Variants in SCARB1 observed in about 807,000 individuals in gnomAD.
SCARB1 encodes the protein scavenger receptor class B member 1.
SCARB1 carries 30 observed loss-of-function variants against 57.2 expected under a neutral mutation model. That is an observed-to-expected ratio of 0.52 (90% confidence interval 0.39 to 0.71). The LOEUF is 0.71. Among genes scored for constraint, SCARB1 ranks in the 30% least tolerant of loss-of-function variants. SCARB1 has a pLI of 0.00. For missense variants in SCARB1, 543 were observed against 671.2 expected, an observed-to-expected ratio of 0.81 and a Z score of 2.11; for synonymous variants, 249 against 268.3, an observed-to-expected ratio of 0.93 and a Z score of 0.70.
At chr12:124,834,030 C>T (rs192549391) in intron 1 of SCARB1, among the ~76,000 whole-genome samples, 53 of 152,364 alleles carry the variant, frequency 3.5e-4, no homozygotes, top group Admixed American at 3.5e-3. Context: ...TCGTGACTCC[C>T]GAGACCTCCT....
At position 124,817,606 on chromosome 12, in the gene SCARB1, G is replaced by T. The variant is rs146377057; in HGVS notation, c.228C>A (p.Ser76Arg). ...GCGGCTTCTCGCCCTTCAGGATCTCGCTGGGGTTCATGACGTCAAAGAAGT... is the reference window on the plus strand; with the variant it reads ...GCGGCTTCTCGCCCTTCAGGATCTCTCTGGGGTTCATGACGTCAAAGAAGT... ...SVYFFDVMNP[S>R]EILKGEKPQV... Residue 76 changes from serine (S) to arginine (R), a missense_variant, in exon 2 of 13, where the codon AGC (serine) becomes AGA (arginine). Physicochemically the swap from Ser to Arg is moderately radical, Grantham distance 110. Coordinates refer to ENST00000261693, the MANE Select transcript of SCARB1 (RefSeq NM_005505.5). This position sits in a 1 kb window ranked among gnomAD's most constrained non-coding sequence, Gnocchi z 4.8. 6.2e-7 allele frequency: 1 copy of T among 1,614,094 alleles called. No homozygotes were observed. The highest frequency in any genetic ancestry group is 1.3e-5 in the African/African-American group (1 of 74,926).
intron 1 of SCARB1, among the ~76,000 whole-genome samples, chr12:124,850,643 C>G (rs1368229781): frequency 6.6e-6 from 1 of 152,224 alleles, no homozygotes; most frequent in African/African-American, 2.4e-5. Flanking sequence ...GCACTCCAGC[C>G]TGGGCAACAA....
At chr12:124,847,747 A>G (rs2135813705) in intron 1 of SCARB1, among the ~76,000 whole-genome samples, 1 of 152,310 alleles carries the variant, frequency 6.6e-6, no homozygotes, top group South Asian at 2.1e-4. Flanking sequence ...GGCTTCTTCA[A>G]CCCAAGAGGT....
intron 1 of SCARB1, chr12:124,821,260 G>GCGCACA (rs1950946979): frequency 4.2e-6 from 1 of 238,696 alleles, no homozygotes; most frequent in Admixed American, 8.5e-5. Context: ...ACACACACAC[G>GCGCACA]CACACACACG....
chr12:124,821,078 A>G (rs1171402505), intron 1 of SCARB1, among the ~76,000 whole-genome samples: 1 of 152,030 alleles, frequency 6.6e-6, no homozygotes, highest in Non-Finnish European at 1.5e-5. Context: ...TCTCTACAAA[A>G]AATAGAAAAA....
rs1455953128 is a variant in SCARB1, at chr12:124,837,552, A to G, written c.127-19845T>C. 5.1e-3 allele frequency among the ~76,000 whole-genome samples: 68 copies of G among 13,284 alleles called. 3 individuals are homozygous for G. The highest frequency in any genetic ancestry group is 0.012 in the African/African-American group (66 of 5,702). The allele number at this position is 13,284 out of a possible 152,430, so 8.7% of individuals were successfully genotyped here. ...AGAAAAAGAAAGAAAAGAAAAGAAA[A>G]GAAAAGAAAAGAAAAGAAAAGAAAA... On this transcript the variant is annotated intron_variant, in intron 1 of 12. Transcript: ENST00000261693.
At chr12:124,815,617 GC>G (rs1158466884) in intron 2 of SCARB1, among the ~76,000 whole-genome samples, 1 of 152,220 alleles carries the variant, frequency 6.6e-6, no homozygotes, top group African/African-American at 2.4e-5. Context: ...TGTAAACCCA[GC>G]ACTTTGGGAG....
At position 124,812,404 on chromosome 12, in the gene SCARB1, T is replaced by TC. The variant is rs1435119171; in HGVS notation, c.631-440dup. Among the ~76,000 whole-genome samples the TC allele has an allele frequency of 2.0e-5, 3 of 152,122 alleles. No homozygotes were observed. The highest frequency in any genetic ancestry group is 4.4e-5 in the Non-Finnish European group (3 of 68,022). On this transcript the variant is annotated intron_variant, in intron 4 of 12. Coordinates refer to ENST00000261693, the MANE Select transcript of SCARB1 (RefSeq NM_005505.5). This position sits in a 1 kb window ranked among gnomAD's most constrained non-coding sequence, Gnocchi z 4.3. ...GCTATAGCAGCCAAGGAGGTATGTGTCAAGACAGAGCCTCCCTCAGCCTGG... is the reference window on the plus strand; with the variant it reads ...GCTATAGCAGCCAAGGAGGTATGTGTCCAAGACAGAGCCTCCCTCAGCCTGG...
chr12:124,815,901 G>A (rs1950695498), intron 2 of SCARB1, among the ~76,000 whole-genome samples: 1 of 151,592 alleles, frequency 6.6e-6, no homozygotes, highest in Non-Finnish European at 1.5e-5. Flanking sequence ...CCATGCTCTG[G>A]ACCACAACCC....
intron 1 of SCARB1, among the ~76,000 whole-genome samples, chr12:124,861,762 G>A (rs1952911051): frequency 6.6e-6 from 1 of 152,198 alleles, no homozygotes; most frequent in Admixed American, 6.5e-5. Flanking sequence ...GGAGGCTCCT[G>A]TTCAACTTTA....
intron 11 of SCARB1, chr12:124,784,024 T>C (rs1023383130): frequency 6.6e-6 from 1 of 152,216 alleles, no homozygotes; most frequent in Non-Finnish European, 1.5e-5. Context: ...CTGACCCTCC[T>C]TCCCTGTCCC....
Position 124,814,296 on chromosome 12 carries a change from A to G in SCARB1, c.536T>C (p.Ile179Thr). Reference sequence around the variant, plus strand: ...AAGGGGGTCCTTGTAGCCCCACATGATCTCACCCACAGTGCGGTTCATGAA... The same window carrying G: ...AAGGGGGTCCTTGTAGCCCCACATGGTCTCACCCACAGTGCGGTTCATGAA... The part of the protein sequence containing the change: ...RAFMNRTVGE[I>T]MWGYKDPLVN... The change falls in exon 4 of 13, where the codon ATC (isoleucine) becomes ACC (threonine). Residue 179 changes from isoleucine to threonine, a missense_variant. Physicochemically the swap from Ile to Thr is moderately conservative, Grantham distance 89. Transcript: ENST00000261693. The surrounding 1 kb of genome is among the most constrained non-coding windows in gnomAD (Gnocchi z 4.7). 1.2e-6 allele frequency: 2 copies of G among 1,614,164 alleles called. No homozygotes were observed. The highest frequency in any genetic ancestry group is 8.5e-7 in the Non-Finnish European group (1 of 1,180,024).
At chr12:124,836,898 A>G (rs1951667634) in intron 1 of SCARB1, among the ~76,000 whole-genome samples, 1 of 152,188 alleles carries the variant, frequency 6.6e-6, no homozygotes. Context: ...CGCTTGCCCA[A>G]GAGCACAAAC....
chr12:124,798,775 C>T (rs932412623), intron 8 of SCARB1, among the ~76,000 whole-genome samples: 4 of 149,704 alleles, frequency 2.7e-5, no homozygotes, highest in African/African-American at 5.0e-5. Context: ...ACCCGGGAGG[C>T]GGAGGTTGCA....
chr12:124,834,333 G>A (rs954353053), intron 1 of SCARB1, among the ~76,000 whole-genome samples: 6 of 152,324 alleles, frequency 3.9e-5, no homozygotes, highest in Non-Finnish European at 8.8e-5. Context: ...AGACGTCACC[G>A]GTGCCAGTCC....
chr12:124,847,720 G>C (rs1299678234), intron 1 of SCARB1, among the ~76,000 whole-genome samples: 3 of 152,200 alleles, frequency 2.0e-5, no homozygotes, highest in Admixed American at 6.5e-5. Flanking sequence ...TGGAGGAAGG[G>C]ACCAGGAGGA....
chr12:124,809,650 C>G (rs563314996), intron 6 of SCARB1, among the ~76,000 whole-genome samples: 54 of 152,124 alleles, frequency 3.5e-4, no homozygotes, highest in Non-Finnish European at 7.1e-4. Flanking sequence ...AGTCAAGGTC[C>G]ACATGAGTGA....
chr12:124,831,886 G>C (rs528784952), intron 1 of SCARB1, among the ~76,000 whole-genome samples: 1 of 152,172 alleles, frequency 6.6e-6, no homozygotes, highest in Admixed American at 6.5e-5. Context: ...TCCCAGCAGA[G>C]GGGCGTCCTG....
intron 1 of SCARB1, chr12:124,840,112 T>A: frequency 8.1e-7 from 1 of 1,230,106 alleles, no homozygotes; most frequent in Non-Finnish European, 1.1e-6. Context: ...TGAGTGTGTC[T>A]CACTGATTCT....
Sources: allele counts gnomAD v4.1 joint callset (sites outside exome capture counted in the v4.1 genomes callset), GRCh38; gene constraint gnomAD v4.1.1; non-coding constraint Gnocchi (gnomAD v3.1); transcripts MANE v1.5; gene names NCBI Gene and HGNC (gene_info 2026-07-23, HGNC 2026-07-21).